INPP5B: variants seen among roughly 807,000 people sequenced by gnomAD.
INPP5B encodes type II inositol 1,4,5-trisphosphate 5-phosphatase.
A neutral mutation model predicts 118.5 loss-of-function variants in INPP5B; 90 were observed. That is an observed-to-expected ratio of 0.76 (90% CI 0.64 to 0.90). The LOEUF is 0.90. Ranked by LOEUF, INPP5B falls within the 40% of genes least tolerant of loss-of-function variation. The pLI is 0.00. For missense variants in INPP5B, 984 were observed against 1,125.6 expected (o/e 0.87, Z 1.80); for synonymous variants, 385 against 418.9 (o/e 0.92, Z 0.99).
intron 6 of INPP5B, among the ~76,000 whole-genome samples, chr1:37,932,831 C>T (rs573162052): frequency 1.3e-5 from 2 of 152,264 alleles, no homozygotes; most frequent in East Asian, 1.9e-4. Flanking sequence ...GAGAAACACA[C>T]GCCGTAAGTA....
chr1:37,872,344 T>C (rs958583964), intron 19 of INPP5B, among the ~76,000 whole-genome samples: 2 of 117,020 alleles, frequency 1.7e-5, no homozygotes, highest in African/African-American at 3.3e-5. Context: ...CACTCCAGCC[T>C]GGGCAACAAG....
At chr1:37,919,005 A>C (rs1334948692) in intron 7 of INPP5B, among the ~76,000 whole-genome samples, 1 of 152,230 alleles carries the variant, frequency 6.6e-6, no homozygotes, top group Non-Finnish European at 1.5e-5. Context: ...GATAGCAGAC[A>C]TGCTCAAGGA....
At chr1:37,871,946 C>T (rs917300038) in intron 19 of INPP5B, among the ~76,000 whole-genome samples, 1 of 150,380 alleles carries the variant, frequency 6.6e-6, no homozygotes, top group Non-Finnish European at 1.5e-5. Context: ...TGCCTGTAGT[C>T]CCAGCTACTA....
At chr1:37,879,702 G>A (rs1225951360) in intron 15 of INPP5B, among the ~76,000 whole-genome samples, 3 of 152,002 alleles carry the variant, frequency 2.0e-5, no homozygotes, top group Non-Finnish European at 4.4e-5. Flanking sequence ...GGGTTGCAGT[G>A]GGCCAAGATC....
chr1:37,896,224 A>G (rs1386734442), intron 7 of INPP5B, among the ~76,000 whole-genome samples: 1 of 111,544 alleles, frequency 9.0e-6, no homozygotes, highest in Non-Finnish European at 1.8e-5. Context: ...AAGTGAGGAG[A>G]CCCTCTGCCT....
chr1:37,924,208 GC>G (rs1157655455), intron 7 of INPP5B, among the ~76,000 whole-genome samples: 2 of 150,552 alleles, frequency 1.3e-5, no homozygotes, highest in Non-Finnish European at 3.0e-5. Flanking sequence ...TCTCGCTCTT[GC>G]CCAGGCTGGA....
rs777457366 is a variant in INPP5B, at chr1:37,945,706, G to C, written c.152+50C>G. 13 of 1,397,188 alleles carry C rather than the reference G, an allele frequency of 9.3e-6. 1 individual carries two copies. Among genetic ancestry groups the C allele is most frequent in the Middle Eastern group, 1.8e-4 (1 of 5,590 alleles). 86.5% of individuals were successfully genotyped at this position (1,397,188 alleles called of 1,614,324 possible). ...TTGAAGTTCAGCTGGAGGGTGCAGTGATGAACAACCCCATGGCCCAGACAG... is the reference window on the plus strand; with the variant it reads ...TTGAAGTTCAGCTGGAGGGTGCAGTCATGAACAACCCCATGGCCCAGACAG... On this transcript the variant is annotated intron_variant, in intron 3 of 23. Coordinates refer to ENST00000373024, the MANE Select transcript of INPP5B (RefSeq NM_005540.3).
intron 7 of INPP5B, among the ~76,000 whole-genome samples, chr1:37,915,705 T>C (rs973422623): frequency 3.3e-5 from 5 of 152,270 alleles, no homozygotes; most frequent in African/African-American, 1.2e-4. Context: ...CAGCAAAATG[T>C]TAACAGTAGT....
At chr1:37,910,585 C>A (rs1286064429) in intron 7 of INPP5B, among the ~76,000 whole-genome samples, 5 of 152,050 alleles carry the variant, frequency 3.3e-5, no homozygotes, top group Non-Finnish European at 5.9e-5. Context: ...ACGGATGATG[C>A]ACCCCTTACC....
At chr1:37,935,611 A>G (rs1196601384) in intron 6 of INPP5B, among the ~76,000 whole-genome samples, 1 of 151,786 alleles carries the variant, frequency 6.6e-6, no homozygotes, top group East Asian at 1.9e-4. Flanking sequence ...CTCCTTCCCC[A>G]TTCCCATCAC....
At chr1:37,866,313 T>C (rs1018946163) in intron 21 of INPP5B, 146 bp downstream of exon 21, 2 of 592,076 alleles carry the variant, frequency 3.4e-6, no homozygotes, top group Non-Finnish European at 6.0e-6. Flanking sequence ...AAGTAAAACA[T>C]GGTAGCTGAG....
intron 17 of INPP5B, 51 bp from the exon 18 acceptor site, chr1:37,874,206 C>G: frequency 7.1e-7 from 1 of 1,412,192 alleles, no homozygotes; most frequent in Non-Finnish European, 9.5e-7. Context: ...CCTCAGCAAC[C>G]TGCCCAGCCA....
intron 19 of INPP5B, 52 bp downstream of exon 19, chr1:37,872,874 TTGAC>T: frequency 7.4e-7 from 1 of 1,349,608 alleles, no homozygotes; most frequent in Non-Finnish European, 1.0e-6. Context: ...AATATCTTGT[TTGAC>T]TGGCTTGTCT....
Position 37,897,240 on chromosome 1 carries a change from C to T in INPP5B, c.533-5786G>A, listed in dbSNP as rs1644148211. 2.0e-5 allele frequency among the ~76,000 whole-genome samples: 3 copies of T among 151,440 alleles called. No individual in the cohort carries two copies. The South Asian group carries it at 6.3e-4, about 32-fold the overall frequency. On this transcript the variant is annotated intron_variant, in intron 7 of 23. Transcript: ENST00000373024. ...CACCCCGTCTGGGAGGTGTACCCAACAGCTCATTGAGAACGGGCCATGATG... is the reference window on the plus strand; with the variant it reads ...CACCCCGTCTGGGAGGTGTACCCAATAGCTCATTGAGAACGGGCCATGATG...
At chr1:37,892,357 G>A (rs1216099749) in intron 7 of INPP5B, among the ~76,000 whole-genome samples, 1 of 152,190 alleles carries the variant, frequency 6.6e-6, no homozygotes, top group African/African-American at 2.4e-5. Flanking sequence ...AAATTGCCTT[G>A]AAAACCAAAG....
chr1:37,900,477 A>T (rs1570197092), intron 7 of INPP5B, among the ~76,000 whole-genome samples: 1 of 144,616 alleles, frequency 6.9e-6, no homozygotes, highest in African/African-American at 2.6e-5. Context: ...CTGGTCTTGA[A>T]CTCCTGACTT....
At chr1:37,931,691 G>C in intron 7 of INPP5B, 1 of 1,530,000 alleles carries the variant, frequency 6.5e-7, no homozygotes, top group African/African-American at 1.4e-5. Flanking sequence ...TTGCGCTCCC[G>C]AGAGCCGGCG....
At chr1:37,884,775 C>A (rs1342990462) in intron 13 of INPP5B, among the ~76,000 whole-genome samples, 2 of 151,558 alleles carry the variant, frequency 1.3e-5, no homozygotes, top group East Asian at 3.9e-4. Context: ...CATGGTGAAA[C>A]CCCACTCTCT....
chr1:37,872,661 T>G (rs1642531582), intron 19 of INPP5B, among the ~76,000 whole-genome samples: 1 of 150,426 alleles, frequency 6.6e-6, no homozygotes, highest in Non-Finnish European at 1.5e-5. Context: ...AGCTGCCATC[T>G]GATTATAACC....
Sources: gnomAD v4.1 joint callset for allele counts (sites outside exome capture counted in the v4.1 genomes callset) on GRCh38, gnomAD v4.1.1 for gene constraint, MANE v1.5 for transcripts, NCBI Gene and HGNC (gene_info 2026-07-23, HGNC 2026-07-21) for gene names.